TENM1: variants seen among roughly 807,000 people sequenced by gnomAD.
The protein encoded by TENM1 is teneurin transmembrane protein 1, also known as teneurin-1.
A neutral mutation model predicts 174.8 loss-of-function variants in TENM1; 35 were observed. That is an observed-to-expected ratio of 0.20 (90% CI 0.15 to 0.27). The LOEUF (loss-of-function observed/expected upper bound fraction) is 0.27. Among genes scored for constraint, TENM1 ranks in the 10% least tolerant of loss-of-function variants. The pLI is 1.00. For missense variants in TENM1, 1,633 were observed against 2,130.1 expected (o/e 0.77, Z 4.59); for synonymous variants, 781 against 798.7 (o/e 0.98, Z 0.37).
intron 19 of TENM1, among the ~76,000 whole-genome samples, chrX:124,498,975 G>A (rs1367454721): frequency 9.0e-6 from 1 of 111,134 alleles, no homozygotes; most frequent in Non-Finnish European, 1.9e-5. Context: ...CAAACCTGCT[G>A]AGCCTGGGCA....
chrX:125,203,023 T>C, the TENM1 span, among the ~76,000 whole-genome samples: 3 of 111,628 alleles, frequency 2.7e-5, no homozygotes, highest in Non-Finnish European at 5.6e-5. Context: ...TTGGAGCGCA[T>C]GGTTAAAGTC....
chrX:124,446,364 T>A (rs760385893), intron 23 of TENM1, among the ~76,000 whole-genome samples: 1 of 112,726 alleles, frequency 8.9e-6, no homozygotes, highest in African/African-American at 3.2e-5. Flanking sequence ...TCAAGGGTGG[T>A]TGCATTGTGT....
chrX:125,020,049 A>T, the TENM1 span, among the ~76,000 whole-genome samples: 11,591 of 109,682 alleles, frequency 0.11, 559 homozygotes, highest in South Asian at 0.21. Context: ...GATCTCCCCA[A>T]CATTCATCTT....
the TENM1 span, among the ~76,000 whole-genome samples, chrX:125,169,446 T>C: frequency 8.9e-6 from 1 of 111,793 alleles, no homozygotes; most frequent in African/African-American, 3.2e-5. Context: ...ACATGGCTGG[T>C]ATAAATCAGA....
exon 32 of TENM1, chrX:124,381,063 C>A: frequency 8.3e-7 from 1 of 1,211,852 alleles, no homozygotes; most frequent in Non-Finnish European, 1.1e-6. Flanking sequence ...AGAATGGCAG[C>A]AAGCCGCCTG....
intron 11 of TENM1, among the ~76,000 whole-genome samples, chrX:124,572,371 C>T (rs1270742626): frequency 1.8e-5 from 2 of 110,782 alleles, no homozygotes; most frequent in Non-Finnish European, 3.8e-5. Context: ...GAAAGAGTAC[C>T]ATTTAAAATT....
intron 6 of TENM1, among the ~76,000 whole-genome samples, chrX:124,657,496 G>A (rs762632386): frequency 7.2e-5 from 8 of 111,097 alleles, no homozygotes; most frequent in South Asian, 3.9e-4. Context: ...GTGCAGTGGC[G>A]GTATCACCTA....
At chrX:125,199,588 C>G in the TENM1 span, among the ~76,000 whole-genome samples, 45 of 111,133 alleles carry the variant, frequency 4.0e-4, no homozygotes, top group East Asian at 0.013. Context: ...TATTGTTTAC[C>G]TAAAGTGGAG....
At chrX:124,468,986 T>C (rs894925920) in intron 22 of TENM1, among the ~76,000 whole-genome samples, 2 of 111,994 alleles carry the variant, frequency 1.8e-5, no homozygotes, top group African/African-American at 3.2e-5. Context: ...TTCTATTTTT[T>C]ATACTACAGT....
intron 3 of TENM1, among the ~76,000 whole-genome samples, chrX:124,757,240 T>C (rs189978760): frequency 8.9e-6 from 1 of 112,360 alleles, no homozygotes; most frequent in Admixed American, 9.3e-5. Flanking sequence ...TGCAGTTTGA[T>C]CTCAGACTGC....
chrX:125,052,430 G>A, the TENM1 span, among the ~76,000 whole-genome samples: 1 of 111,655 alleles, frequency 9.0e-6, no homozygotes, highest in Non-Finnish European at 1.9e-5. Context: ...GTAATTGGAT[G>A]CACTGGAGAA....
At chrX:124,854,262 C>T (rs962626111) in intron 3 of TENM1, among the ~76,000 whole-genome samples, 1 of 111,140 alleles carries the variant, frequency 9.0e-6, no homozygotes, top group African/African-American at 3.3e-5. Flanking sequence ...GAATGGAAAA[C>T]CAAATATAGT....
the TENM1 span, among the ~76,000 whole-genome samples, chrX:125,010,033 G>T: frequency 9.0e-6 from 1 of 111,355 alleles, no homozygotes; most frequent in Non-Finnish European, 1.9e-5. Flanking sequence ...TTCTGGCTAG[G>T]GCAATCAGGC....
intron 3 of TENM1, among the ~76,000 whole-genome samples, chrX:124,792,026 G>A (rs191182395): frequency 3.5e-3 from 392 of 110,640 alleles, no homozygotes; most frequent in Middle Eastern, 0.023. Flanking sequence ...CTCTCTCTGG[G>A]AAACACCCGA....
At position 124,422,264 on chromosome X, in the gene TENM1, G is replaced by A. The variant is rs2060661871; in HGVS notation, c.4471+8C>T. 1 of 1,201,379 alleles carries A rather than the reference G, an allele frequency of 8.3e-7. No individual in the cohort carries two copies. The highest frequency in any genetic ancestry group is 1.1e-6 in the Non-Finnish European group (1 of 889,703). ...GGGGAAGCTGGTGAATTGCTAAAAA[G>A]GTCATACCTGAAAAACAGTCACAGT... On this transcript the variant is annotated splice_region_variant and intron_variant, in intron 24 of 31. Coordinates refer to ENST00000422452, the Ensembl canonical transcript of TENM1.
At chrX:125,113,118 A>C in the TENM1 span, among the ~76,000 whole-genome samples, 1 of 112,134 alleles carries the variant, frequency 8.9e-6, no homozygotes, top group African/African-American at 3.2e-5. Flanking sequence ...AATAAAATTC[A>C]AAGGTAAAAT....
the TENM1 span, among the ~76,000 whole-genome samples, chrX:124,984,606 C>T: frequency 9.0e-6 from 1 of 111,499 alleles, no homozygotes; most frequent in East Asian, 2.8e-4. Context: ...ATTCTTTGAC[C>T]TTCAGGGCAG....
intron 3 of TENM1, among the ~76,000 whole-genome samples, chrX:124,851,166 C>G (rs972908470): frequency 1.8e-5 from 2 of 111,428 alleles, no homozygotes; most frequent in African/African-American, 6.5e-5. Context: ...GTTTTCCTGT[C>G]TGAATCAGTA....
chrX:124,427,059 G>A (rs887943298), intron 23 of TENM1, among the ~76,000 whole-genome samples: 1 of 111,937 alleles, frequency 8.9e-6, no homozygotes, highest in Non-Finnish European at 1.9e-5. Flanking sequence ...GAAATGAGCT[G>A]GGGCTGGCTG....
Sources: allele counts gnomAD v4.1 joint callset (sites outside exome capture counted in the v4.1 genomes callset), GRCh38; gene constraint gnomAD v4.1.1; transcripts MANE v1.5; gene names NCBI Gene and HGNC (gene_info 2026-07-23, HGNC 2026-07-21).